The following ACTN4 variants were observed in gnomAD, a reference collection of about 807,000 sequenced individuals.
The protein encoded by ACTN4 is actinin alpha 4.
A neutral mutation model predicts 114.2 loss-of-function variants in ACTN4; 18 were observed. The ratio of observed to expected loss-of-function variants is 0.16; its 90% confidence interval spans 0.11 to 0.23. ACTN4 has a LOEUF of 0.23. Among genes scored for constraint, ACTN4 ranks in the 10% least tolerant of loss-of-function variants. The probability of loss-of-function intolerance (pLI) is 1.00; values close to 1 mark genes in which losing one functional copy is unlikely to be tolerated. For synonymous variants in ACTN4, 515 were observed against 506.3 expected, an observed-to-expected ratio of 1.02 and a Z score of -0.23; for missense variants, 722 against 1,262.9, an observed-to-expected ratio of 0.57 and a Z score of 6.49.
In ACTN4 at chr19:38,730,752, T is replaced by C; in HGVS notation, c.*1320T>C. ...GGGCCAGAGACTAGCCCCAGACAGG[T>C]GGATGCCAGAGAGAGTGGCACCCAT... On this transcript the variant is annotated 3_prime_UTR_variant, in exon 21 of 21. Transcript: ENST00000252699. 6.9e-7 allele frequency: 1 copy of C among 1,440,978 alleles called. No homozygotes were observed. Among genetic ancestry groups the C allele is most frequent in the Non-Finnish European group, 9.5e-7 (1 of 1,053,880 alleles). The allele number at this position is 1,440,978 out of a possible 1,614,324, so 89.3% of individuals were successfully genotyped here. A position where few individuals can be genotyped will look rare whatever the true frequency, so the allele number is the denominator to read the frequency against.
intron 3 of ACTN4, among the ~76,000 whole-genome samples, chr19:38,703,062 T>C (rs926045368): frequency 1.3e-5 from 2 of 152,042 alleles, no homozygotes; most frequent in Non-Finnish European, 2.9e-5. Context: ...TGTTGACAAG[T>C]TGGGAGGACT....
At chr19:38,701,222 G>A (rs1054565818) in intron 3 of ACTN4, 101 bp downstream of exon 3, 7 of 1,573,374 alleles carry the variant, frequency 4.4e-6, no homozygotes, top group African/African-American at 1.3e-5. Context: ...TTGGTGGCAG[G>A]GCGCTTGGGG....
rs561382762 is a variant in ACTN4, at chr19:38,718,112, TC to T, written c.1291+41del. On this transcript the variant is annotated intron_variant, in intron 11 of 20. Coordinates refer to ENST00000252699, the MANE Select transcript of ACTN4 (RefSeq NM_004924.6). ...TCTGCCCCACTCTGCCCAGCCCCGC[TC>T]CCGTGCTCCCCTCCTGTCTCTCAGG... 2.5e-6 allele frequency: 4 copies of T among 1,575,178 alleles called. No homozygotes were observed. In the East Asian group the frequency reaches 9.3e-5, roughly 37 times the overall value.
intron 1 of ACTN4, among the ~76,000 whole-genome samples, chr19:38,654,300 G>A (rs960397456): frequency 2.0e-5 from 3 of 152,130 alleles, no homozygotes; most frequent in African/African-American, 7.2e-5. Context: ...GGTGGCTCAC[G>A]CCTGTAATCC....
chr19:38,708,223 C>G (rs1400191913), intron 6 of ACTN4, 28 bp downstream of exon 6: 1 of 1,610,962 alleles, frequency 6.2e-7, no homozygotes, highest in Admixed American at 1.7e-5. Context: ...CCCTTGATGG[C>G]CCACAGACGT....
At chr19:38,699,424 C>T (rs1212687127) in intron 1 of ACTN4, among the ~76,000 whole-genome samples, 1 of 152,184 alleles carries the variant, frequency 6.6e-6, no homozygotes, top group Non-Finnish European at 1.5e-5. Context: ...TCCCACTTGC[C>T]TTCCAGCCTC....
chr19:38,708,319 G>A, intron 6 of ACTN4, 124 bp downstream of exon 6: 2 of 1,091,438 alleles, frequency 1.8e-6, no homozygotes, highest in Non-Finnish European at 2.8e-6. Context: ...ACGCAGATGG[G>A]CAGCCTGGGA....
At chr19:38,670,511 T>G (rs1444111084) in intron 1 of ACTN4, among the ~76,000 whole-genome samples, 2 of 152,072 alleles carry the variant, frequency 1.3e-5, no homozygotes, top group East Asian at 3.9e-4. Context: ...TGGAGGGAAG[T>G]AGCCTGGGTG....
Position 38,668,304 on chromosome 19 carries a change from C to A in ACTN4, c.162+20397C>A, listed in dbSNP as rs114034345. Among the ~76,000 whole-genome samples the A allele has an allele frequency of 3.8e-3, 574 of 152,300 alleles. 4 individuals are homozygous for A. The highest frequency in any genetic ancestry group is 0.013 in the African/African-American group (545 of 41,556). ...GTGATTTGTTAATATTCTTTCTCTTCAATCCACCTGACATTTACCCAGATA... is the reference window on the plus strand; with the variant it reads ...GTGATTTGTTAATATTCTTTCTCTTAAATCCACCTGACATTTACCCAGATA... On this transcript the variant is annotated intron_variant, in intron 1 of 20. Transcript: ENST00000252699.
chr19:38,663,799 C>G (rs1417900051), intron 1 of ACTN4, among the ~76,000 whole-genome samples: 5 of 152,168 alleles, frequency 3.3e-5, no homozygotes, highest in Middle Eastern at 3.2e-3. Context: ...GTTCTGGGTC[C>G]GTATCCATTC....
At chr19:38,729,196 G>C (rs1488557508) in intron 20 of ACTN4, 42 bp downstream of exon 20, 10 of 1,612,806 alleles carry the variant, frequency 6.2e-6, no homozygotes, top group Non-Finnish European at 7.6e-6. Context: ...CTGGCGAGAG[G>C]GGTCCCTGCA....
At chr19:38,661,753 C>T (rs1001201725) in intron 1 of ACTN4, among the ~76,000 whole-genome samples, 1 of 152,262 alleles carries the variant, frequency 6.6e-6, no homozygotes, top group Middle Eastern at 3.4e-3. Context: ...CCCAGGTTCA[C>T]GCCATTCTCC....
At position 38,730,888 on chromosome 19, in the gene ACTN4, AGAAG is replaced by A. The variant is rs1371056173; in HGVS notation, c.*1461_*1464del. 3.9e-6 allele frequency: 6 copies of A among 1,551,652 alleles called. No individual in the cohort carries two copies. The highest frequency in any genetic ancestry group is 5.2e-6 in the Non-Finnish European group (6 of 1,147,418). On this transcript the variant is annotated 3_prime_UTR_variant, in exon 21 of 21. Transcript: ENST00000252699. ...TGGCCACCTCCATCCACTAAGGAAGAGAAGGAAGACAGTGGCTTGAGGCAGGGAG... is the reference window on the plus strand; with the variant it reads ...TGGCCACCTCCATCCACTAAGGAAGAGAAGACAGTGGCTTGAGGCAGGGAG...
At chr19:38,714,650 C>A in intron 9 of ACTN4, 89 bp downstream of exon 9, 2 of 1,363,390 alleles carry the variant, frequency 1.5e-6, no homozygotes, top group Non-Finnish European at 2.1e-6. Context: ...GCAGGTGTGG[C>A]AGCGAGATGA....
chr19:38,664,445 C>G (rs1966895800), intron 1 of ACTN4, among the ~76,000 whole-genome samples: 1 of 152,106 alleles, frequency 6.6e-6, no homozygotes, highest in African/African-American at 2.4e-5. Flanking sequence ...TGTGTGGTTT[C>G]AGATGTGTTT....
At chr19:38,651,974 TC>T (rs1208985775) in intron 1 of ACTN4, among the ~76,000 whole-genome samples, 1 of 152,142 alleles carries the variant, frequency 6.6e-6, no homozygotes, top group African/African-American at 2.4e-5. Flanking sequence ...CCCCAAGTGA[TC>T]CGCCTGCCTC....
At chr19:38,683,596 G>A (rs1967646580) in intron 1 of ACTN4, among the ~76,000 whole-genome samples, 1 of 152,226 alleles carries the variant, frequency 6.6e-6, no homozygotes, top group Non-Finnish European at 1.5e-5. Context: ...CTGCACCTTT[G>A]TGAGTCACCG....
chr19:38,705,054 C>A, intron 4 of ACTN4, 34 bp downstream of exon 4: 1 of 1,588,720 alleles, frequency 6.3e-7, no homozygotes, highest in Non-Finnish European at 8.6e-7. Context: ...CGCTTCCCAC[C>A]TGAGTCAGGG....
chr19:38,673,719 ATATATAC>A lies in ACTN4; in HGVS notation c.162+25814_162+25820del, dbSNP rs1344947175. ...TATATATTTATATATTTATATATTT[ATATATAC>A]TTATATATATTTATATATTTATATA... On this transcript the variant is annotated intron_variant, in intron 1 of 20. Coordinates refer to ENST00000252699, the MANE Select transcript of ACTN4 (RefSeq NM_004924.6). Among the ~76,000 whole-genome samples, 6 of 41,226 alleles carry A rather than the reference ATATATAC, an allele frequency of 1.5e-4. No individual in the cohort carries two copies. The East Asian group carries it at 2.1e-3, about 15-fold the overall frequency. 27.0% of individuals were successfully genotyped at this position (41,226 alleles called of 152,430 possible). A position where few individuals can be genotyped will look rare whatever the true frequency, so the allele number is the denominator to read the frequency against.
Sources: gnomAD v4.1 joint callset for allele counts (sites outside exome capture counted in the v4.1 genomes callset) on GRCh38, gnomAD v4.1.1 for gene constraint, MANE v1.5 for transcripts, NCBI Gene and HGNC (gene_info 2026-07-23, HGNC 2026-07-21) for gene names.